Variants in PLXDC2 observed in about 807,000 individuals in gnomAD.
The protein encoded by PLXDC2 is plexin domain-containing protein 2.
Under a neutral mutation model 68.9 loss-of-function variants are expected in PLXDC2, and 40 were observed. That is an observed-to-expected ratio of 0.58 (90% CI 0.45 to 0.76). The LOEUF is 0.76. PLXDC2 is among the 30% of genes least tolerant of loss of function. PLXDC2 has a pLI of 0.00. For missense variants in PLXDC2, 644 were observed against 661.9 expected (o/e 0.97, Z 0.30); for synonymous variants, 243 against 234.2 (o/e 1.04, Z -0.34).
intron 13 of PLXDC2, among the ~76,000 whole-genome samples, chr10:20,260,695 T>C (rs1465624376): frequency 6.6e-6 from 1 of 152,204 alleles, no homozygotes; most frequent in Non-Finnish European, 1.5e-5. Context: ...GACTTCATTT[T>C]CTATGAATAT....
At chr10:20,103,150 G>A (rs1277063453) in intron 4 of PLXDC2, among the ~76,000 whole-genome samples, 4 of 152,052 alleles carry the variant, frequency 2.6e-5, no homozygotes, top group African/African-American at 9.7e-5. Context: ...ACAGTGCTAA[G>A]GACCCACAAT....
chr10:20,042,663 G>A (rs1322256079), intron 2 of PLXDC2, among the ~76,000 whole-genome samples: 1 of 152,086 alleles, frequency 6.6e-6, no homozygotes, highest in African/African-American at 2.4e-5. Flanking sequence ...ACTGCATGAG[G>A]CAATGTGAGG....
At chr10:20,189,658 T>A (rs1834738324) in intron 9 of PLXDC2, among the ~76,000 whole-genome samples, 1 of 150,814 alleles carries the variant, frequency 6.6e-6, no homozygotes, top group Non-Finnish European at 1.5e-5. Context: ...GTGCCGAATC[T>A]ATATGCTGCA....
chr10:19,979,796 C>T (rs1015666802), intron 1 of PLXDC2, among the ~76,000 whole-genome samples: 6 of 152,130 alleles, frequency 3.9e-5, no homozygotes, highest in African/African-American at 1.4e-4. Flanking sequence ...CATGACTAAA[C>T]GTGGTAATGT....
chr10:19,886,934 A>G (rs902860628), intron 1 of PLXDC2, among the ~76,000 whole-genome samples: 12 of 152,230 alleles, frequency 7.9e-5, no homozygotes, highest in African/African-American at 2.2e-4. Context: ...ATCCTAAGTC[A>G]TATAACCTCT....
chr10:20,153,243 G>A (rs926486165), intron 6 of PLXDC2, among the ~76,000 whole-genome samples: 4 of 152,144 alleles, frequency 2.6e-5, no homozygotes, highest in Admixed American at 6.5e-5. Flanking sequence ...AGACAGTCAA[G>A]GATATCAAAA....
chr10:20,266,394 A>G (rs888054989), intron 13 of PLXDC2, among the ~76,000 whole-genome samples: 6 of 151,834 alleles, frequency 4.0e-5, no homozygotes, highest in African/African-American at 1.4e-4. Context: ...ACAGAAAATG[A>G]TACAAGAACA....
intron 4 of PLXDC2, among the ~76,000 whole-genome samples, chr10:20,140,405 ATATC>A (rs71390760): frequency 2.3e-3 from 29 of 12,540 alleles, no homozygotes; most frequent in South Asian, 0.015. Context: ...TATATATAAA[ATATC>A]TATCTATCTA....
At chr10:19,994,253 C>CTTT (rs528321973) in intron 1 of PLXDC2, among the ~76,000 whole-genome samples, 2 of 87,502 alleles carry the variant, frequency 2.3e-5, no homozygotes, top group East Asian at 5.9e-4. Flanking sequence ...TTGTATTCTC[C>CTTT]TTTTTTTTTT....
intron 1 of PLXDC2, among the ~76,000 whole-genome samples, chr10:19,899,901 G>A (rs1024654630): frequency 4.0e-5 from 6 of 151,854 alleles, no homozygotes; most frequent in African/African-American, 1.5e-4. Flanking sequence ...ATATTTCTTG[G>A]GTCAAGAGCA....
chr10:20,011,238 G>A (rs986108193), intron 2 of PLXDC2, among the ~76,000 whole-genome samples: 1 of 152,174 alleles, frequency 6.6e-6, no homozygotes. Context: ...CAGGAGCAGG[G>A]AGGTCAGAAG....
intron 1 of PLXDC2, among the ~76,000 whole-genome samples, chr10:19,834,361 G>T (rs1213093657): frequency 6.6e-6 from 1 of 151,872 alleles, no homozygotes; most frequent in Admixed American, 6.6e-5. Flanking sequence ...GAGAGTGTGT[G>T]TGTGTCTGTG....
At chr10:20,216,181 A>G (rs1179441835) in intron 10 of PLXDC2, among the ~76,000 whole-genome samples, 1 of 152,178 alleles carries the variant, frequency 6.6e-6, no homozygotes, top group Admixed American at 6.5e-5. Context: ...GTAATGGGGG[A>G]AAAAGAAACT....
At chr10:19,847,494 G>C (rs1837029900) in intron 1 of PLXDC2, among the ~76,000 whole-genome samples, 1 of 152,168 alleles carries the variant, frequency 6.6e-6, no homozygotes, top group African/African-American at 2.4e-5. Context: ...TGGAGATTCA[G>C]CATTACCTAG....
At chr10:20,038,601 C>G (rs1255024741) in intron 2 of PLXDC2, among the ~76,000 whole-genome samples, 1 of 152,124 alleles carries the variant, frequency 6.6e-6, no homozygotes, top group African/African-American at 2.4e-5. Context: ...TGTGATTGTT[C>G]TTATCATGCT....
At chr10:19,819,063 C>CACAA (rs550568547) in intron 1 of PLXDC2, among the ~76,000 whole-genome samples, 1 of 143,404 alleles carries the variant, frequency 7.0e-6, no homozygotes, top group Non-Finnish European at 1.5e-5. Context: ...CACACACACA[C>CACAA]AATACACACA....
In PLXDC2 at chr10:19,837,395, AGAGAGAGAGAGAGAGTGTGT is replaced by A. The variant is rs1219261494; in HGVS notation, c.112+20206_112+20225del. On this transcript the variant is annotated intron_variant, in intron 1 of 13. Coordinates refer to ENST00000377252, the MANE Select transcript of PLXDC2 (RefSeq NM_032812.9). ...TTCTCATTGAGTAAGTGAGAGAGAG[AGAGAGAGAGAGAGAGTGTGT>A]GTGTGTGTGTGTGTGTGTGTGTGTG... Among the ~76,000 whole-genome samples, 9 of 95,548 alleles carry A rather than the reference AGAGAGAGAGAGAGAGTGTGT, an allele frequency of 9.4e-5. No homozygotes were observed. In the South Asian group the frequency reaches 2.6e-3, roughly 28 times the overall value. 62.7% of individuals were successfully genotyped at this position (95,548 alleles called of 152,430 possible). A position where few individuals can be genotyped will look rare whatever the true frequency, so the allele number is the denominator to read the frequency against.
chr10:20,070,545 G>A (rs571285457), intron 4 of PLXDC2, among the ~76,000 whole-genome samples: 5 of 152,290 alleles, frequency 3.3e-5, no homozygotes, highest in South Asian at 2.1e-4. Flanking sequence ...ATAGTGCCAG[G>A]CATTTAATTA....
At chr10:19,980,306 T>G (rs1362518114) in intron 1 of PLXDC2, among the ~76,000 whole-genome samples, 1 of 152,222 alleles carries the variant, frequency 6.6e-6, no homozygotes, top group East Asian at 1.9e-4. Context: ...CTTATACTCT[T>G]CAGTATCCCT....
Sources: allele counts gnomAD v4.1 joint callset (sites outside exome capture counted in the v4.1 genomes callset), GRCh38; gene constraint gnomAD v4.1.1; transcripts MANE v1.5; gene names NCBI Gene and HGNC (gene_info 2026-07-23, HGNC 2026-07-21).